The following CYTH3 variants were observed in gnomAD, a reference collection of about 807,000 sequenced individuals.
The protein encoded by CYTH3 is cytohesin-3.
Under a neutral mutation model 55.1 loss-of-function variants are expected in CYTH3, and 23 were observed. The observed-to-expected ratio is 0.42, with a 90% confidence interval of 0.30 to 0.59. The LOEUF is 0.59. CYTH3 is among the 20% of genes least tolerant of loss of function. The pLI is 0.20. For synonymous variants in CYTH3, 249 were observed against 194.9 expected (o/e 1.28, Z -2.31); for missense variants, 413 against 524.8 (o/e 0.79, Z 2.08).
Position 6,187,652 on chromosome 7 carries a change from G to A in CYTH3, c.182+5C>T. ...TAGCTTAAAGGTGTAGCCACAAATT[G>A]TTACCTCTCCTCTACGGAAGTTAGA... On this transcript the variant is annotated splice_donor_5th_base_variant and intron_variant, in intron 3 of 12. Coordinates refer to ENST00000350796, the MANE Select transcript of CYTH3 (RefSeq NM_004227.4). 1.9e-6 allele frequency: 3 copies of A among 1,611,040 alleles called. No homozygotes were observed. The highest frequency in any genetic ancestry group is 2.2e-5 in the East Asian group (1 of 44,870).
At chr7:6,219,120 G>T (rs1365823315) in intron 1 of CYTH3, among the ~76,000 whole-genome samples, 2 of 152,012 alleles carry the variant, frequency 1.3e-5, no homozygotes, top group East Asian at 3.9e-4. Context: ...CACACCGTTG[G>T]TAGAAAAATG....
chr7:6,230,174 C>A (rs1172164868), intron 1 of CYTH3, among the ~76,000 whole-genome samples: 1 of 151,978 alleles, frequency 6.6e-6, no homozygotes, highest in Non-Finnish European at 1.5e-5. Context: ...AAAAACCCAT[C>A]TCAACTCAAG....
At position 6,171,421 on chromosome 7, in the gene CYTH3, G is replaced by T; in HGVS notation, c.450-107C>A. The T allele has an allele frequency of 1.0e-6, 1 of 972,840 alleles. No homozygotes were observed. Among genetic ancestry groups the T allele is most frequent in the Non-Finnish European group, 1.6e-6 (1 of 633,164 alleles). 60.3% of individuals were successfully genotyped at this position (972,840 alleles called of 1,614,324 possible). A position where few individuals can be genotyped will look rare whatever the true frequency, so the allele number is the denominator to read the frequency against. ...GAAGGACGTTTTCCTCCCGAGCCTG[G>T]GGTACAGCTCTGGCAGGGGCTTGGG... On this transcript the variant is annotated intron_variant, in intron 6 of 12. Transcript: ENST00000350796. This position sits in a 1 kb window ranked among gnomAD's most constrained non-coding sequence, Gnocchi z 6.7.
At chr7:6,219,605 C>T (rs1784501823) in intron 1 of CYTH3, among the ~76,000 whole-genome samples, 1 of 152,176 alleles carries the variant, frequency 6.6e-6, no homozygotes, top group African/African-American at 2.4e-5. Flanking sequence ...TCAACCCTCT[C>T]AGCAAAAGCC....
intron 1 of CYTH3, among the ~76,000 whole-genome samples, chr7:6,212,051 G>C (rs951272016): frequency 6.6e-6 from 1 of 152,028 alleles, no homozygotes; most frequent in African/African-American, 2.4e-5. Context: ...CTAATTTTTT[G>C]TGCCCATTAA....
chr7:6,226,127 A>C (rs1275134750), intron 1 of CYTH3, among the ~76,000 whole-genome samples: 1 of 152,174 alleles, frequency 6.6e-6, no homozygotes, highest in East Asian at 1.9e-4. Context: ...TGTGTTTTTT[A>C]AAAAAATTAA....
chr7:6,212,251 C>T (rs1280027459), intron 1 of CYTH3, among the ~76,000 whole-genome samples: 1 of 152,206 alleles, frequency 6.6e-6, no homozygotes, highest in East Asian at 1.9e-4. Context: ...CTGCCTTTGC[C>T]TCCCAAGTAA....
intron 1 of CYTH3, among the ~76,000 whole-genome samples, chr7:6,232,869 A>G (rs973865636): frequency 6.6e-6 from 1 of 152,088 alleles, no homozygotes. Context: ...TGCAACTAGG[A>G]GCCCTGAGTT....
chr7:6,198,582 T>A (rs1301770316), intron 1 of CYTH3, among the ~76,000 whole-genome samples: 2 of 152,210 alleles, frequency 1.3e-5, no homozygotes, highest in Non-Finnish European at 2.9e-5. Flanking sequence ...ATTCACTTAT[T>A]GACATCATGT....
chr7:6,165,311 C>G lies in CYTH3; in HGVS notation c.1089G>C (p.Pro363=), dbSNP rs778048265. Residue 363 remains proline (P), a synonymous_variant, in exon 12 of 13, where the codon CCG becomes CCC. Coordinates refer to ENST00000350796, the MANE Select transcript of CYTH3 (RefSeq NM_004227.4). The part of the protein sequence containing the change: ...GNHVVYRISA[P]SPEEKEEWMK... ...TCCACTCCTCCTTCTCCTCCGGGCT[C>G]GGGGCTGAGATCCGGTACACCACAT... 86 of 1,613,840 alleles carry G rather than the reference C, an allele frequency of 5.3e-5. No individual in the cohort carries two copies. Among genetic ancestry groups the G allele is most frequent in the Non-Finnish European group, 6.4e-5 (75 of 1,179,976 alleles).
Position 6,170,531 on chromosome 7 carries a change from TCAC to T in CYTH3, c.823+1_823+3del. 6.2e-7 allele frequency: 1 copy of T among 1,613,500 alleles called. No individual in the cohort carries two copies. The highest frequency in any genetic ancestry group is 8.5e-7 in the Non-Finnish European group (1 of 1,179,618). ...GCCCGGGTCCCGCTGGGCCGGCGGC[TCAC>T]CCAGCTTCAGGAGCCAGCCCTCGCG... On this transcript the variant is annotated splice_donor_variant and splice_donor_region_variant and intron_variant, in intron 9 of 12. Transcript: ENST00000350796. LOFTEE classifies it high-confidence loss of function. The surrounding 1 kb of genome is among the most constrained non-coding windows in gnomAD (Gnocchi z 7.8).
chr7:6,172,872 G>C (rs770468073), intron 6 of CYTH3: 1 of 1,263,618 alleles, frequency 7.9e-7, no homozygotes, highest in East Asian at 6.0e-5. Context: ...AACATCACGA[G>C]GGTCCCACAA....
At chr7:6,196,144 T>G (rs1181154185) in intron 1 of CYTH3, among the ~76,000 whole-genome samples, 1 of 152,152 alleles carries the variant, frequency 6.6e-6, no homozygotes, top group Non-Finnish European at 1.5e-5. Context: ...GAGAAGCCCA[T>G]AAAGTCTATG....
chr7:6,268,377 C>T (rs55944124), intron 1 of CYTH3, among the ~76,000 whole-genome samples: 2,715 of 152,190 alleles, frequency 0.018, 64 homozygotes, highest in African/African-American at 0.045. Flanking sequence ...ACCATGCTGC[C>T]CAGGCTGGTC....
At chr7:6,223,493 A>T (rs1779144646) in intron 1 of CYTH3, among the ~76,000 whole-genome samples, 3 of 152,182 alleles carry the variant, frequency 2.0e-5, no homozygotes, top group Admixed American at 2.0e-4. Flanking sequence ...TACTAAGAAA[A>T]ATTATTCTGC....
intron 1 of CYTH3, among the ~76,000 whole-genome samples, chr7:6,217,729 G>A (rs1394162308): frequency 6.6e-6 from 1 of 152,068 alleles, no homozygotes; most frequent in Non-Finnish European, 1.5e-5. Flanking sequence ...CCCACCAACA[G>A]CATAATATTC....
chr7:6,263,853 C>A (rs546420030), intron 1 of CYTH3, among the ~76,000 whole-genome samples: 1 of 151,856 alleles, frequency 6.6e-6, no homozygotes, highest in African/African-American at 2.4e-5. Context: ...AACGTGATCG[C>A]AGTTAAATTA....
intron 1 of CYTH3, among the ~76,000 whole-genome samples, chr7:6,230,831 A>G (rs149412519): frequency 6.6e-6 from 1 of 152,378 alleles, no homozygotes; most frequent in East Asian, 1.9e-4. Context: ...CAAAAGGTTG[A>G]TAACGGTAGG....
At chr7:6,208,077 C>A (rs1784237512) in intron 1 of CYTH3, among the ~76,000 whole-genome samples, 2 of 152,148 alleles carry the variant, frequency 1.3e-5, no homozygotes, top group African/African-American at 4.8e-5. Context: ...GTATATATAT[C>A]TATCTATTGC....
Sources: allele counts gnomAD v4.1 joint callset (sites outside exome capture counted in the v4.1 genomes callset), GRCh38; gene constraint gnomAD v4.1.1; non-coding constraint Gnocchi (gnomAD v3.1); transcripts MANE v1.5; gene names NCBI Gene and HGNC (gene_info 2026-07-23, HGNC 2026-07-21).